The following CACNA2D4 variants were observed in gnomAD, a reference collection of about 807,000 sequenced individuals.
CACNA2D4 encodes the protein calcium voltage-gated channel auxiliary subunit alpha2delta 4, also known as voltage-dependent calcium channel subunit alpha-2/delta-4.
In CACNA2D4, 157 loss-of-function variants were observed where a neutral mutation model predicts 163.8. That is an observed-to-expected ratio of 0.96 (90% CI 0.84 to 1.09). The LOEUF (loss-of-function observed/expected upper bound fraction) is 1.09, where lower values mean the gene tolerates loss of function less well. Among genes scored for constraint, CACNA2D4 ranks in the 50% least tolerant of loss-of-function variants. CACNA2D4 has a pLI of 0.00. For synonymous variants in CACNA2D4, 598 were observed against 586.9 expected (o/e 1.02, Z -0.27); for missense variants, 1,410 against 1,479.9 (o/e 0.95, Z 0.78).
intron 18 of CACNA2D4, 22 bp from the exon 19 acceptor site, chr12:1,860,228 G>C: frequency 6.2e-7 from 1 of 1,605,144 alleles, no homozygotes; most frequent in Non-Finnish European, 8.5e-7. Flanking sequence ...GACAAGGAAA[G>C]AGTGCTCACG....
intron 1 of CACNA2D4, among the ~76,000 whole-genome samples, chr12:1,916,125 AC>A (rs1300409747): frequency 6.6e-6 from 1 of 152,026 alleles, no homozygotes; most frequent in Non-Finnish European, 1.5e-5. Flanking sequence ...GAGGAGTAAA[AC>A]GTGACTTCCG....
At chr12:1,865,223 C>G (rs925086716) in intron 18 of CACNA2D4, among the ~76,000 whole-genome samples, 17 of 152,224 alleles carry the variant, frequency 1.1e-4, no homozygotes, top group African/African-American at 4.1e-4. Context: ...TGTTGGAAAT[C>G]TAGGCCTGGA....
rs1418251360 is a variant in CACNA2D4, at chr12:1,917,693, G to A, written c.227+554C>T. On this transcript the variant is annotated intron_variant, in intron 1 of 37. Transcript: ENST00000382722. This position sits in a 1 kb window ranked among gnomAD's most constrained non-coding sequence, Gnocchi z 4.3. ...ATGGCCGGCTAGAGAATCAAGGTTGGAAGGAGGCAGAAAGGTGTAGAAAGG... is the reference window on the plus strand; with the variant it reads ...ATGGCCGGCTAGAGAATCAAGGTTGAAAGGAGGCAGAAAGGTGTAGAAAGG... Among the ~76,000 whole-genome samples, 5 of 152,230 alleles carry A rather than the reference G, an allele frequency of 3.3e-5. No individual in the cohort carries two copies. The highest frequency in any genetic ancestry group is 1.3e-4 in the Admixed American group (2 of 15,286).
intron 3 of CACNA2D4, among the ~76,000 whole-genome samples, chr12:1,912,548 T>C (rs984510447): frequency 1.3e-5 from 2 of 150,336 alleles, no homozygotes. Context: ...TGAATGAGGG[T>C]GAGGGAGGAA....
At chr12:1,915,360 A>G (rs981308649) in intron 1 of CACNA2D4, 2 of 652,702 alleles carry the variant, frequency 3.1e-6, no homozygotes, top group Non-Finnish European at 5.5e-6. Flanking sequence ...CTTGACCCCA[A>G]GCTTCCAGGG....
At chr12:1,908,617 G>A (rs1022558475) in intron 4 of CACNA2D4, among the ~76,000 whole-genome samples, 1 of 151,702 alleles carries the variant, frequency 6.6e-6, no homozygotes, top group African/African-American at 2.4e-5. Context: ...ACTGCGTCAC[G>A]GACATCCCCA....
intron 18 of CACNA2D4, among the ~76,000 whole-genome samples, chr12:1,865,050 C>CCT (rs1865614067): frequency 6.6e-6 from 1 of 152,184 alleles, no homozygotes. Context: ...CGTGGTCCCT[C>CCT]CTCTCTGGGT....
chr12:1,809,891 G>A (rs1017172657), intron 29 of CACNA2D4, among the ~76,000 whole-genome samples: 3 of 152,114 alleles, frequency 2.0e-5, no homozygotes, highest in Non-Finnish European at 2.9e-5. Flanking sequence ...GCAGGCGGGG[G>A]TTGGGGAATG....
chr12:1,846,518 C>G, intron 24 of CACNA2D4, 76 bp downstream of exon 24: 2 of 1,221,164 alleles, frequency 1.6e-6, no homozygotes, highest in Non-Finnish European at 2.3e-6. Context: ...CACCCATGGC[C>G]CAGGAACACA....
At chr12:1,826,426 C>T (rs1263534068) in intron 26 of CACNA2D4, among the ~76,000 whole-genome samples, 1 of 116,036 alleles carries the variant, frequency 8.6e-6, no homozygotes. Context: ...CGCCAACTGG[C>T]ACCAGGAGCC....
At chr12:1,821,838 C>T (rs1272595451) in intron 26 of CACNA2D4, among the ~76,000 whole-genome samples, 1 of 152,148 alleles carries the variant, frequency 6.6e-6, no homozygotes, top group Non-Finnish European at 1.5e-5. Flanking sequence ...CTCTCCCCCA[C>T]CCCCAAGCTG....
In CACNA2D4 at chr12:1,799,097, G is replaced by A. The variant is rs748113370; in HGVS notation, c.2995+578C>T. Among the ~76,000 whole-genome samples, 60 of 152,348 alleles carry A rather than the reference G, an allele frequency of 3.9e-4. No homozygotes were observed. The highest frequency in any genetic ancestry group is 6.5e-4 in the Non-Finnish European group (44 of 68,036). On this transcript the variant is annotated intron_variant, in intron 34 of 37. Transcript: ENST00000382722. This position sits in a 1 kb window ranked among gnomAD's most constrained non-coding sequence, Gnocchi z 4.7. ...GGAGGAACTGAGCAGAGCCCGCTGA[G>A]GCAAGATGGCCTCCTGCAGTCATGG...
rs1592688788 is a variant in CACNA2D4 at position 1,829,635 on chromosome 12, A to G, written c.2551+11104T>C. Reference sequence around the variant, plus strand: ...AGCTCCACCCTTTGGGACAGCAGACACCCAGACCCCTACTGGACAAGACTC... The same window carrying G: ...AGCTCCACCCTTTGGGACAGCAGACGCCCAGACCCCTACTGGACAAGACTC... On this transcript the variant is annotated intron_variant, in intron 26 of 37. Coordinates refer to ENST00000382722, the MANE Select transcript of CACNA2D4 (RefSeq NM_172364.5). The surrounding 1 kb of genome is among the most constrained non-coding windows in gnomAD (Gnocchi z 4.2). Among the ~76,000 whole-genome samples the G allele has an allele frequency of 6.6e-6, 1 of 151,278 alleles. No individual in the cohort carries two copies.
rs368680577 is a variant in CACNA2D4, at chr12:1,918,277, G to A, written c.197C>T (p.Ala66Val). The change falls in exon 1 of 38, where the codon GCG (alanine) becomes GTG (valine). Residue 66 changes from alanine (A) to valine (V), a missense_variant. Coordinates refer to ENST00000382722, the MANE Select transcript of CACNA2D4 (RefSeq NM_172364.5). ...CAGAGGAATCTTGGCCTGTCCCCAC[G>A]CAGGGGACAGGGAGGTGCCTAGAAG... ...LLLLGTSLSPAWGQAKIPLET... is the reference protein window; with the variant it reads ...LLLLGTSLSPVWGQAKIPLET... 102 of 1,605,326 alleles carry A rather than the reference G, an allele frequency of 6.4e-5. No homozygotes were observed. The highest frequency in any genetic ancestry group is 7.7e-5 in the Non-Finnish European group (91 of 1,176,106).
Position 1,837,495 on chromosome 12 carries a change from G to A in CACNA2D4, c.2551+3244C>T, listed in dbSNP as rs374000098. On this transcript the variant is annotated intron_variant, in intron 26 of 37. Transcript: ENST00000382722. ...CTCTGGGGTTATAAGCATGCTGCAA[G>A]CCCCACTGAAGAGCGAGCTCAACGC... Among the ~76,000 whole-genome samples the A allele has an allele frequency of 1.6e-3, 251 of 152,258 alleles. 1 individual carries two copies. The highest frequency in any genetic ancestry group is 2.9e-3 in the Non-Finnish European group (200 of 67,990).
In CACNA2D4 at chr12:1,878,816, A is replaced by T; in HGVS notation, c.1644+140T>A. 1.4e-6 allele frequency: 1 copy of T among 692,006 alleles called. No homozygotes were observed. The highest frequency in any genetic ancestry group is 2.4e-6 in the Non-Finnish European group (1 of 409,914). The allele number at this position is 692,006 out of a possible 1,614,324, so 42.9% of individuals were successfully genotyped here. On this transcript the variant is annotated intron_variant, in intron 15 of 37. Coordinates refer to ENST00000382722, the MANE Select transcript of CACNA2D4 (RefSeq NM_172364.5). The surrounding 1 kb of genome is among the most constrained non-coding windows in gnomAD (Gnocchi z 4.6). ...ACCAGTTGCTGCTCCCCTGCTCAGC[A>T]CCTGCACTTCTTGGGCAGTGATGGA...
At chr12:1,877,872 C>G (rs1045888167) in intron 16 of CACNA2D4, among the ~76,000 whole-genome samples, 1 of 152,186 alleles carries the variant, frequency 6.6e-6, no homozygotes, top group Non-Finnish European at 1.5e-5. Context: ...AATACCCCAG[C>G]CTCTGTGTCA....
At chr12:1,911,021 A>AT (rs374264665) in intron 3 of CACNA2D4, among the ~76,000 whole-genome samples, 3,886 of 133,428 alleles carry the variant, frequency 0.029, 153 homozygotes, top group African/African-American at 0.078. Flanking sequence ...CCGCAATACA[A>AT]TTTTTTTTTT....
chr12:1,906,464 C>T (rs1866660783), intron 6 of CACNA2D4, among the ~76,000 whole-genome samples: 1 of 152,148 alleles, frequency 6.6e-6, no homozygotes, highest in Non-Finnish European at 1.5e-5. Context: ...ACTCCTAAAA[C>T]TCAACAACAA....
Sources: gnomAD v4.1 joint callset for allele counts (sites outside exome capture counted in the v4.1 genomes callset) on GRCh38, gnomAD v4.1.1 for gene constraint, Gnocchi (gnomAD v3.1) non-coding constraint, MANE v1.5 for transcripts, NCBI Gene and HGNC (gene_info 2026-07-23, HGNC 2026-07-21) for gene names.